Variants in ZNF560 observed in about 807,000 individuals in gnomAD.
ZNF560 encodes zinc finger protein 560.
Under a neutral mutation model 81.8 loss-of-function variants are expected in ZNF560, and 54 were observed. That is an observed-to-expected ratio of 0.66 (90% confidence interval 0.53 to 0.83). The LOEUF (loss-of-function observed/expected upper bound fraction) is 0.83. Among genes scored for constraint, ZNF560 ranks in the 40% least tolerant of loss-of-function variants. The pLI is 0.00. For missense variants in ZNF560, 940 were observed against 932.4 expected (o/e 1.01, Z -0.11); for synonymous variants, 321 against 317.9 (o/e 1.01, Z -0.10).
At chr19:9,479,002 C>T (rs1031125744) in intron 2 of ZNF560, among the ~76,000 whole-genome samples, 7 of 152,016 alleles carry the variant, frequency 4.6e-5, no homozygotes, top group African/African-American at 1.7e-4. Flanking sequence ...CTTGCCTCTA[C>T]TAAAAATACA....
chr19:9,463,322 G>C (rs1479817615), downstream of ZNF560, among the ~76,000 whole-genome samples: 2 of 152,160 alleles, frequency 1.3e-5, no homozygotes, highest in Non-Finnish European at 2.9e-5. Flanking sequence ...TGAGACTAGG[G>C]TATCATTTCT....
chr19:9,457,284 A>T, the ZNF560 span, among the ~76,000 whole-genome samples: 2 of 152,212 alleles, frequency 1.3e-5, no homozygotes, highest in Non-Finnish European at 2.9e-5. Context: ...TCCTGCTATG[A>T]TTCCAAAAAA....
At chr19:9,452,409 C>T in the ZNF560 span, among the ~76,000 whole-genome samples, 1 of 151,954 alleles carries the variant, frequency 6.6e-6, no homozygotes, top group African/African-American at 2.4e-5. Flanking sequence ...GGTATATACC[C>T]AAAAGAAAAT....
intron 9 of ZNF560, 97 bp downstream of exon 9, chr19:9,469,008 A>G (rs2073080720): frequency 2.1e-6 from 2 of 958,552 alleles, no homozygotes; most frequent in African/African-American, 1.7e-5. Flanking sequence ...GATTAGAGGC[A>G]TGAGCCACCG....
chr19:9,506,562 A>G, the ZNF560 span, among the ~76,000 whole-genome samples: 1 of 152,172 alleles, frequency 6.6e-6, no homozygotes, highest in Non-Finnish European at 1.5e-5. Context: ...ATATTTTCCA[A>G]TATACTTACC....
chr19:9,465,364 T>C (rs1366815640), downstream of ZNF560, among the ~76,000 whole-genome samples: 2 of 152,156 alleles, frequency 1.3e-5, no homozygotes, highest in African/African-American at 4.8e-5. Context: ...AGTCTCGATC[T>C]CTTGACCTCG....
the ZNF560 span, among the ~76,000 whole-genome samples, chr19:9,460,090 G>A: frequency 6.6e-6 from 1 of 152,120 alleles, no homozygotes; most frequent in Non-Finnish European, 1.5e-5. Flanking sequence ...GTTTCTCCAG[G>A]ACAGAATCAA....
the ZNF560 span, among the ~76,000 whole-genome samples, chr19:9,452,007 C>T: frequency 4.8e-3 from 729 of 152,028 alleles, 4 homozygotes; most frequent in African/African-American, 0.017. Flanking sequence ...ATCCAAGAGG[C>T]GGAGGTTGCA....
In ZNF560 at chr19:9,468,292, A is replaced by T; in HGVS notation, c.655T>A (p.Cys219Ser). Residue 219 changes from cysteine to serine, a missense_variant, in exon 10 of 10, where the codon TGT becomes AGT. Cys to Ser is a moderately radical substitution (Grantham distance 112, BLOSUM62 -1). Coordinates refer to ENST00000301480, the MANE Select transcript of ZNF560 (RefSeq NM_152476.3). ...NGEELYDCKQ[C>S]EDVFCKHPCL... The stretch of plus-strand genomic sequence containing the variant: ...GGATGTTTACAGAAGACATCTTCAC[A>T]TTGCTTACAGTCATAGAGTTCCTCT... 4 of 1,611,862 alleles carry T rather than the reference A, an allele frequency of 2.5e-6. No individual in the cohort carries two copies. The highest frequency in any genetic ancestry group is 3.4e-6 in the Non-Finnish European group (4 of 1,179,244).
At chr19:9,450,223 G>A in the ZNF560 span, among the ~76,000 whole-genome samples, 59 of 151,828 alleles carry the variant, frequency 3.9e-4, no homozygotes, top group African/African-American at 1.3e-3. Context: ...CCCGGGAGGC[G>A]GAGGTTGCAG....
the ZNF560 span, among the ~76,000 whole-genome samples, chr19:9,451,503 C>T: frequency 3.3e-5 from 5 of 152,284 alleles, no homozygotes; most frequent in East Asian, 9.6e-4. Context: ...AAACCTAAAA[C>T]TGTAACAATC....
downstream of ZNF560, among the ~76,000 whole-genome samples, chr19:9,465,128 G>GTT (rs2072994157): frequency 1.5e-5 from 2 of 132,080 alleles, no homozygotes; most frequent in Admixed American, 1.5e-4. Flanking sequence ...GAAAGCTATT[G>GTT]ATTTTTTTTT....
chr19:9,455,836 T>C, the ZNF560 span, among the ~76,000 whole-genome samples: 1 of 151,954 alleles, frequency 6.6e-6, no homozygotes, highest in Non-Finnish European at 1.5e-5. Flanking sequence ...ATGCAAGCCA[T>C]GGGAGGACTG....
Position 9,466,913 on chromosome 19 carries a change from A to G in ZNF560, c.2034T>C (p.His678=), listed in dbSNP as rs577305020. The change falls in exon 10 of 10, where the codon CAT becomes CAC. Residue 678 remains histidine (H), a synonymous_variant. Coordinates refer to ENST00000301480, the MANE Select transcript of ZNF560 (RefSeq NM_152476.3). ...SCVLTQHLKT[H]AAEKTSECNA... ...TACATTCAGAGGTCTTCTCTGCTGC[A>G]TGAGTTTTTAAGTGTTGAGTTAGTA... 2.5e-6 allele frequency: 4 copies of G among 1,614,098 alleles called. No homozygotes were observed. The African/African-American group carries it at 4.0e-5, about 16-fold the overall frequency.
rs138476543 is a variant in ZNF560 at position 9,472,731 on chromosome 19, T to C, written c.238+448A>G. ...AGAGTTGTATAATTATTTCCTTATATATTACAATGTAATAATAGTAGAAAT... is the reference window on the plus strand; with the variant it reads ...AGAGTTGTATAATTATTTCCTTATACATTACAATGTAATAATAGTAGAAAT... On this transcript the variant is annotated intron_variant, in intron 5 of 9. Coordinates refer to ENST00000301480, the MANE Select transcript of ZNF560 (RefSeq NM_152476.3). Among the ~76,000 whole-genome samples the C allele has an allele frequency of 2.5e-3, 388 of 152,314 alleles. 2 individuals carry two copies. The highest frequency in any genetic ancestry group is 9.1e-3 in the African/African-American group (378 of 41,556).
At chr19:9,483,488 G>C (rs546413879) in intron 2 of ZNF560, among the ~76,000 whole-genome samples, 1 of 150,752 alleles carries the variant, frequency 6.6e-6, no homozygotes, top group East Asian at 2.0e-4. Context: ...TCCAGGAGGT[G>C]GGGGGTCAGC....
rs773567477 is a variant in ZNF560, at chr19:9,470,491, C to A, written c.349G>T (p.Val117Leu). 32 of 1,614,214 alleles carry A rather than the reference C, an allele frequency of 2.0e-5. No individual in the cohort carries two copies. Among genetic ancestry groups the A allele is most frequent in the Non-Finnish European group, 1.7e-5 (20 of 1,180,044 alleles). ...GTCCACTCTTCCTGGGTGAACTCCA[C>A]AGCCACACTGTCAAAGGTTACCAGG... ...MDLVTFDSVA[V>L]EFTQEEWTLL... The change falls in exon 7 of 10, where the codon GTG becomes TTG. Residue 117 changes from valine to leucine, a missense_variant. By Grantham distance (32) the Val-to-Leu change is conservative. Coordinates refer to ENST00000301480, the MANE Select transcript of ZNF560 (RefSeq NM_152476.3).
intron 2 of ZNF560, among the ~76,000 whole-genome samples, chr19:9,490,586 C>T (rs1001861929): frequency 3.3e-5 from 5 of 152,192 alleles, no homozygotes; most frequent in African/African-American, 7.2e-5. Context: ...GTCTCTGTTA[C>T]AAATACTCAA....
chr19:9,454,829 TGAG>T, the ZNF560 span, among the ~76,000 whole-genome samples: 16 of 151,112 alleles, frequency 1.1e-4, no homozygotes, highest in South Asian at 2.1e-4. Flanking sequence ...ACACTGATGA[TGAG>T]GAGGAAGGAG....
Sources: gnomAD v4.1 joint callset for allele counts (sites outside exome capture counted in the v4.1 genomes callset) on GRCh38, gnomAD v4.1.1 for gene constraint, MANE v1.5 for transcripts, NCBI Gene and HGNC (gene_info 2026-07-23, HGNC 2026-07-21) for gene names.